Variants in ARHGEF10L observed in about 807,000 individuals in gnomAD.
The protein encoded by ARHGEF10L is rho guanine nucleotide exchange factor 10-like protein.
ARHGEF10L carries 69 observed loss-of-function variants against 141.2 expected under a neutral mutation model. The observed-to-expected ratio is 0.49, with a 90% CI of 0.40 to 0.60. The LOEUF (loss-of-function observed/expected upper bound fraction) is 0.60. Among genes scored for constraint, ARHGEF10L ranks in the 20% least tolerant of loss-of-function variants. ARHGEF10L has a pLI of 0.00. For missense variants in ARHGEF10L, 1,482 were observed against 1,734.3 expected (o/e 0.85, Z 2.58); for synonymous variants, 711 against 718.5 (o/e 0.99, Z 0.17).
At chr1:17,525,271 G>C in the ARHGEF10L span, among the ~76,000 whole-genome samples, 1 of 148,978 alleles carries the variant, frequency 6.7e-6, no homozygotes, top group Non-Finnish European at 1.5e-5. Context: ...CTCTCCCCCT[G>C]AGCAATGTTA....
chr1:17,552,986 C>T (rs1177523355), intron 1 of ARHGEF10L, among the ~76,000 whole-genome samples: 2 of 152,200 alleles, frequency 1.3e-5, no homozygotes, highest in Non-Finnish European at 2.9e-5. Flanking sequence ...TAGCATTCTG[C>T]CCACTTGACT....
At chr1:17,550,885 G>A (rs1163386995) in intron 1 of ARHGEF10L, among the ~76,000 whole-genome samples, 1 of 152,038 alleles carries the variant, frequency 6.6e-6, no homozygotes, top group Non-Finnish European at 1.5e-5. Context: ...GGGGAAGATG[G>A]GTGCAAGGAA....
intron 8 of ARHGEF10L, among the ~76,000 whole-genome samples, chr1:17,614,020 G>A (rs988608379): frequency 1.3e-5 from 2 of 152,186 alleles, no homozygotes; most frequent in East Asian, 1.9e-4. Context: ...ATGCCTGACC[G>A]CCCTGTCCTT....
At chr1:17,647,050 C>A (rs944125118) in intron 21 of ARHGEF10L, among the ~76,000 whole-genome samples, 1 of 152,030 alleles carries the variant, frequency 6.6e-6, no homozygotes. Flanking sequence ...GGGAACTCTC[C>A]GGCTGACCTG....
chr1:17,610,071 C>G (rs1223288789), intron 7 of ARHGEF10L, among the ~76,000 whole-genome samples: 1 of 152,202 alleles, frequency 6.6e-6, no homozygotes, highest in African/African-American at 2.4e-5. Flanking sequence ...GGGAGGAAAC[C>G]ATGCGTGTCT....
chr1:17,556,792 C>A (rs767190730), intron 1 of ARHGEF10L, among the ~76,000 whole-genome samples: 2 of 152,138 alleles, frequency 1.3e-5, no homozygotes, highest in African/African-American at 4.8e-5. Flanking sequence ...AAGAAGCCTC[C>A]CGTTCACTCA....
the ARHGEF10L span, among the ~76,000 whole-genome samples, chr1:17,518,861 G>A: frequency 2.0e-5 from 3 of 149,696 alleles, no homozygotes; most frequent in Admixed American, 6.7e-5. Flanking sequence ...TCAGTGTGCT[G>A]GTCCCTCTGC....
chr1:17,577,397 A>G (rs186043364), intron 1 of ARHGEF10L, among the ~76,000 whole-genome samples: 1 of 152,344 alleles, frequency 6.6e-6, no homozygotes, highest in East Asian at 1.9e-4. Flanking sequence ...ACTGAGGCCC[A>G]GAGATAGGAT....
In ARHGEF10L at chr1:17,695,276, C is replaced by T; in HGVS notation, c.3303C>T (p.Ile1101=). ...CTCGGCTGGAAGGCATCCCCAAGAT[C>T]ACAGGTGAGGCTTTGGGAGCTGGTG... is the stretch of plus-strand genomic sequence containing the variant. ...PVPRLEGIPK[I]TGKGMVSLNG... is the part of the protein sequence containing the mutation. Residue 1101 remains isoleucine, a synonymous_variant, in exon 28 of 29, where the codon ATC becomes ATT. Transcript: ENST00000361221. 6.3e-7 allele frequency: 1 copy of T among 1,582,940 alleles called. No homozygotes were observed. Among genetic ancestry groups the T allele is most frequent in the Non-Finnish European group, 8.6e-7 (1 of 1,165,664 alleles).
intron 1 of ARHGEF10L, among the ~76,000 whole-genome samples, chr1:17,569,878 A>G (rs1384551231): frequency 1.3e-5 from 2 of 152,182 alleles, no homozygotes; most frequent in Non-Finnish European, 2.9e-5. Flanking sequence ...AGTTTTTAAA[A>G]ATAGTCCAAG....
At chr1:17,684,647 T>G (rs1187408212) in intron 26 of ARHGEF10L, among the ~76,000 whole-genome samples, 1 of 152,190 alleles carries the variant, frequency 6.6e-6, no homozygotes, top group Non-Finnish European at 1.5e-5. Context: ...ATTCTGTCCT[T>G]GCTCTTGGGG....
chr1:17,546,037 G>C (rs1271606042), intron 1 of ARHGEF10L, among the ~76,000 whole-genome samples: 1 of 152,208 alleles, frequency 6.6e-6, no homozygotes, highest in Admixed American at 6.5e-5. Flanking sequence ...AGTAGGGGAA[G>C]CATTGAACCT....
intron 1 of ARHGEF10L, among the ~76,000 whole-genome samples, chr1:17,576,328 G>A (rs2078223860): frequency 6.6e-6 from 1 of 152,094 alleles, no homozygotes; most frequent in South Asian, 2.1e-4. Flanking sequence ...CTGCTGTGAT[G>A]AGCTGGGCAG....
At chr1:17,675,167 A>G (rs554845829) in intron 26 of ARHGEF10L, among the ~76,000 whole-genome samples, 30 of 152,240 alleles carry the variant, frequency 2.0e-4, no homozygotes, top group African/African-American at 3.1e-4. Context: ...GGTCGCATCA[A>G]TTCTGACCTT....
chr1:17,593,006 TAGAAACA>T (rs1239510079), intron 4 of ARHGEF10L, among the ~76,000 whole-genome samples: 1 of 152,112 alleles, frequency 6.6e-6, no homozygotes, highest in Non-Finnish European at 1.5e-5. Flanking sequence ...TCTCCGAGGG[TAGAAACA>T]AGGGCTCCCA....
At chr1:17,557,950 GCA>G (rs1050225155) in intron 1 of ARHGEF10L, among the ~76,000 whole-genome samples, 16 of 152,272 alleles carry the variant, frequency 1.1e-4, no homozygotes, top group African/African-American at 3.6e-4. Flanking sequence ...AGAGCCCTGG[GCA>G]CAGTGTCCTC....
At chr1:17,693,927 C>T (rs2065293913) in intron 27 of ARHGEF10L, 1 of 152,206 alleles carries the variant, frequency 6.6e-6, no homozygotes, top group Non-Finnish European at 1.5e-5. Context: ...GCCGTCCACC[C>T]TGTGTGTGAC....
chr1:17,552,336 A>G (rs955025607), intron 1 of ARHGEF10L, among the ~76,000 whole-genome samples: 6 of 152,254 alleles, frequency 3.9e-5, no homozygotes, highest in African/African-American at 1.4e-4. Context: ...GGACTGAAGT[A>G]ATAACCAGTG....
Position 17,638,549 on chromosome 1 carries a change from T to C in ARHGEF10L, c.2044-13T>C. ...GTGCTGTGTGGTGACCTCATTGGCC[T>C]CCTGAACCCTAGAACCTGAACATGA... On this transcript the variant is annotated splice_polypyrimidine_tract_variant and intron_variant, in intron 19 of 28. Coordinates refer to ENST00000361221, the MANE Select transcript of ARHGEF10L (RefSeq NM_018125.4). The C allele has an allele frequency of 6.2e-7, 1 of 1,614,156 alleles. No individual in the cohort carries two copies.
Sources: gnomAD v4.1 joint callset for allele counts (sites outside exome capture counted in the v4.1 genomes callset) on GRCh38, gnomAD v4.1.1 for gene constraint, MANE v1.5 for transcripts, NCBI Gene and HGNC (gene_info 2026-07-23, HGNC 2026-07-21) for gene names.